Variants in C1QTNF3 observed in about 807,000 individuals in gnomAD.
The protein encoded by C1QTNF3 is C1q and TNF related 3.
Under a neutral mutation model 32.6 loss-of-function variants are expected in C1QTNF3, and 26 were observed. That is an observed-to-expected ratio of 0.80 (90% CI 0.58 to 1.11). C1QTNF3 has a LOEUF of 1.11. Ranked by LOEUF, C1QTNF3 falls within the 50% of genes least tolerant of loss-of-function variation. C1QTNF3 has a pLI of 0.00. For missense variants in C1QTNF3, 362 were observed against 398.2 expected (o/e 0.91, Z 0.77); for synonymous variants, 155 against 146.0 (o/e 1.06, Z -0.44).
At chr5:34,226,090 C>G in the C1QTNF3 span, among the ~76,000 whole-genome samples, 1 of 151,864 alleles carries the variant, frequency 6.6e-6, no homozygotes, top group Admixed American at 6.6e-5. Flanking sequence ...TTGAACCATA[C>G]TTGATATTGC....
intron 3 of C1QTNF3, among the ~76,000 whole-genome samples, chr5:34,029,564 C>T (rs1348439690): frequency 6.6e-6 from 1 of 152,198 alleles, no homozygotes; most frequent in Admixed American, 6.5e-5. Context: ...AAGTAGACAA[C>T]ACAAGATCAT....
chr5:34,038,864 G>T (rs1321976239), intron 1 of C1QTNF3, among the ~76,000 whole-genome samples: 1 of 152,112 alleles, frequency 6.6e-6, no homozygotes, highest in Admixed American at 6.5e-5. Context: ...CACCTGACCG[G>T]GAATATCAGG....
chr5:34,073,987 G>A, the C1QTNF3 span, among the ~76,000 whole-genome samples: 5 of 151,934 alleles, frequency 3.3e-5, no homozygotes, highest in Non-Finnish European at 5.9e-5. Flanking sequence ...TTATTAGTTC[G>A]ATAAATTGGC....
chr5:34,113,010 T>C, the C1QTNF3 span, among the ~76,000 whole-genome samples: 3,522 of 151,078 alleles, frequency 0.023, 142 homozygotes, highest in African/African-American at 0.081. Flanking sequence ...TTCAATGAGG[T>C]TATCATGGAG....
upstream of C1QTNF3, chr5:34,043,756 G>A (rs1450294851): frequency 3.9e-5 from 6 of 152,284 alleles, no homozygotes; most frequent in African/African-American, 1.4e-4. Flanking sequence ...TTCAGGTGCA[G>A]TGTCTCTGGG....
chr5:34,027,019 C>T (rs572353439), intron 4 of C1QTNF3, among the ~76,000 whole-genome samples: 1 of 152,284 alleles, frequency 6.6e-6, no homozygotes, highest in South Asian at 2.1e-4. Flanking sequence ...ATAATTTAGT[C>T]ATAGTATTGT....
At chr5:34,170,906 T>C in the C1QTNF3 span, among the ~76,000 whole-genome samples, 1 of 152,170 alleles carries the variant, frequency 6.6e-6, no homozygotes, top group African/African-American at 2.4e-5. Context: ...ATTTTTCTGA[T>C]AGTTTATATT....
At chr5:34,175,950 G>A in the C1QTNF3 span, 10 of 827,254 alleles carry the variant, frequency 1.2e-5, 1 homozygote, top group African/African-American at 1.3e-4. Context: ...GAACATCAGA[G>A]GTGGATCCTG....
the C1QTNF3 span, among the ~76,000 whole-genome samples, chr5:34,136,089 T>C: frequency 2.6e-5 from 4 of 152,122 alleles, no homozygotes; most frequent in African/African-American, 7.2e-5. Flanking sequence ...AAGGACTTCA[T>C]GGAAGTCCTT....
the C1QTNF3 span, among the ~76,000 whole-genome samples, chr5:34,112,924 G>A: frequency 6.6e-6 from 1 of 151,900 alleles, no homozygotes; most frequent in Non-Finnish European, 1.5e-5. Flanking sequence ...GAGCAGCTTG[G>A]TAACCATGAG....
the C1QTNF3 span, among the ~76,000 whole-genome samples, chr5:34,129,594 ATC>A: frequency 6.6e-6 from 1 of 152,164 alleles, no homozygotes; most frequent in Non-Finnish European, 1.5e-5. Context: ...AGTGATTATA[ATC>A]TGTCAATATT....
intron 4 of C1QTNF3, among the ~76,000 whole-genome samples, chr5:34,028,112 A>G (rs1218064038): frequency 6.6e-6 from 1 of 152,100 alleles, no homozygotes; most frequent in Non-Finnish European, 1.5e-5. Flanking sequence ...AGCTGGGACT[A>G]CAGGCGCCCG....
the C1QTNF3 span, among the ~76,000 whole-genome samples, chr5:34,070,204 C>T: frequency 2.6e-5 from 4 of 152,078 alleles, no homozygotes; most frequent in Admixed American, 6.6e-5. Context: ...TCTTCTATCT[C>T]GTTGGAGTGA....
chr5:34,234,292 T>C, the C1QTNF3 span, among the ~76,000 whole-genome samples: 1 of 152,174 alleles, frequency 6.6e-6, no homozygotes, highest in Admixed American at 6.5e-5. Flanking sequence ...TAAAGACGCA[T>C]CTTTCCTGCA....
chr5:34,156,731 C>T, the C1QTNF3 span, among the ~76,000 whole-genome samples: 17 of 151,886 alleles, frequency 1.1e-4, no homozygotes, highest in South Asian at 3.3e-3. Context: ...CCAAATAAAC[C>T]CAAACAAAAG....
the C1QTNF3 span, among the ~76,000 whole-genome samples, chr5:34,233,636 T>C: frequency 6.6e-6 from 1 of 152,126 alleles, no homozygotes; most frequent in Admixed American, 6.5e-5. Context: ...AACATTATAA[T>C]ACTTGCAAAG....
intron 5 of C1QTNF3, among the ~76,000 whole-genome samples, chr5:34,021,680 C>T (rs896183836): frequency 1.3e-5 from 2 of 152,278 alleles, no homozygotes; most frequent in Non-Finnish European, 2.9e-5. Flanking sequence ...AACCAAACAC[C>T]GCATATTCTC....
At chr5:34,216,641 T>C in the C1QTNF3 span, among the ~76,000 whole-genome samples, 1 of 152,224 alleles carries the variant, frequency 6.6e-6, no homozygotes, top group Non-Finnish European at 1.5e-5. Flanking sequence ...AGGTCCGTCT[T>C]GTTCACTTTC....
the C1QTNF3 span, among the ~76,000 whole-genome samples, chr5:34,082,221 A>G: frequency 6.6e-6 from 1 of 151,580 alleles, no homozygotes; most frequent in South Asian, 2.1e-4. Context: ...CATTCAGGTG[A>G]CATTACAAGT....
Sources: allele counts gnomAD v4.1 joint callset (sites outside exome capture counted in the v4.1 genomes callset), GRCh38; gene constraint gnomAD v4.1.1; transcripts MANE v1.5; gene names NCBI Gene and HGNC (gene_info 2026-07-23, HGNC 2026-07-21).